The following ASAH1 variants were observed in gnomAD, a reference collection of about 807,000 sequenced individuals.
The protein encoded by ASAH1 is acid ceramidase.
ASAH1 carries 70 observed loss-of-function variants against 59.5 expected under a neutral mutation model. That is an observed-to-expected ratio of 1.18 (90% confidence interval 0.97 to 1.43). The LOEUF (loss-of-function observed/expected upper bound fraction) is 1.43. Among genes scored for constraint, ASAH1 ranks in the 40% most tolerant of loss-of-function variants. The pLI, the probability that ASAH1 is intolerant of heterozygous loss-of-function variation, is 0.00. For missense variants in ASAH1, 660 were observed against 482.5 expected (o/e 1.37, Z -3.45); for synonymous variants, 213 against 166.5 (o/e 1.28, Z -2.15).
chr8:18,067,226 G>C lies in ASAH1; in HGVS notation c.376C>G (p.Pro126Ala). 5 of 1,591,392 alleles carry C rather than the reference G, an allele frequency of 3.1e-6. No homozygotes were observed. Among genetic ancestry groups the C allele is most frequent in the Non-Finnish European group, 4.3e-6 (5 of 1,166,330 alleles). The change falls in exon 5 of 14, where the codon CCT becomes GCT. Residue 126 changes from proline (P) to alanine (A), a missense_variant. Transcript: ENST00000637790. Reference sequence around the variant, plus strand: ...GCTTCTAAGTGAACTTTACCTAAAGGTATATCAGTAACAGCGGCAATACCC... The same window carrying C: ...GCTTCTAAGTGAACTTTACCTAAAGCTATATCAGTAACAGCGGCAATACCC... ...MKGIAAVTDI[P>A]LGEIISFNIF...
intron 2 of ASAH1, among the ~76,000 whole-genome samples, chr8:18,073,552 G>A (rs1206719397): frequency 6.6e-6 from 1 of 152,198 alleles, no homozygotes; most frequent in Non-Finnish European, 1.5e-5. Context: ...TGAGCAGTGG[G>A]AAAGAAATGC....
At chr8:18,065,232 T>G (rs1196218592) in intron 5 of ASAH1, 2 of 151,794 alleles carry the variant, frequency 1.3e-5, no homozygotes, top group African/African-American at 2.4e-5. Context: ...TTTACACCAC[T>G]TATACATCAT....
rs773999172 is a variant in ASAH1, at chr8:18,084,030, A to C, written c.29T>G (p.Val10Gly). Residue 10 changes from valine to glycine, a missense_variant, in exon 1 of 14, where the codon GTC becomes GGC. Transcript: ENST00000637790. The stretch of plus-strand genomic sequence containing the variant: ...ACAGCTGACGGCGGCAGCCAGGAGG[A>C]CTAAGGCGACGCAACTCCGGCCCGG... MPGRSCVALVLLAAAVSCAV... is the reference protein window; with the variant it reads MPGRSCVALGLLAAAVSCAV... The C allele has an allele frequency of 2.1e-5, 33 of 1,598,726 alleles. No homozygotes were observed. Among genetic ancestry groups the C allele is most frequent in the Non-Finnish European group, 8.5e-7 (1 of 1,179,660 alleles).
chr8:18,084,785 C>T, upstream of ASAH1: 1 of 1,613,666 alleles, frequency 6.2e-7, no homozygotes, highest in Non-Finnish European at 8.5e-7. Context: ...CTCTCCCAGC[C>T]CGATGCAGCA....
chr8:18,069,724 G>T, intron 4 of ASAH1, 68 bp downstream of exon 4: 1 of 1,168,808 alleles, frequency 8.6e-7, no homozygotes. Context: ...GCTGAATTAT[G>T]CCTTTAAATA....
At chr8:18,078,892 CTCTCCCTGCCCTTCCCTACCTT>C (rs373523468) in intron 1 of ASAH1, among the ~76,000 whole-genome samples, 3,140 of 152,232 alleles carry the variant, frequency 0.021, 104 homozygotes, top group African/African-American at 0.072. Flanking sequence ...CTTTCTCTCT[CTCTCCCTGCCCTTCCCTACCTT>C]TCTCCCTGCC....
upstream of ASAH1, chr8:18,084,282 G>T (rs1039258969): frequency 7.6e-6 from 11 of 1,438,536 alleles, no homozygotes; most frequent in African/African-American, 1.1e-4. Flanking sequence ...AGCCTTCCAG[G>T]CTACCTGCAG....
chr8:18,082,678 G>C (rs959627784), intron 1 of ASAH1: 1 of 152,184 alleles, frequency 6.6e-6, no homozygotes, highest in Non-Finnish European at 1.5e-5. Context: ...TGCAACCGAA[G>C]TTCAAATTCT....
chr8:18,076,895 G>T (rs1589001229), intron 1 of ASAH1, among the ~76,000 whole-genome samples: 1 of 152,236 alleles, frequency 6.6e-6, no homozygotes, highest in Non-Finnish European at 1.5e-5. Context: ...TGTCAAATTT[G>T]CCTTACCACA....
rs371181287 is a variant in ASAH1, at chr8:18,075,521, A to G, written c.125+20T>C. 1.1e-5 allele frequency: 18 copies of G among 1,613,698 alleles called. No individual in the cohort carries two copies. Among genetic ancestry groups the G allele is most frequent in the Non-Finnish European group, 1.4e-5 (17 of 1,179,610 alleles). On this transcript the variant is annotated intron_variant, in intron 2 of 13. Transcript: ENST00000637790. ...TTCACAAAGGTCAAAGGGAGTTTTG[A>G]TCATCTGATGTTTACTCACGTTGGT... is the stretch of plus-strand genomic sequence containing the variant.
rs372573258 is a variant in ASAH1 at position 18,059,397 on chromosome 8, A to C, written c.985T>G (p.Phe329Val). The change falls in exon 12 of 14, where the codon TTC (phenylalanine) becomes GTC (valine). Residue 329 changes from phenylalanine to valine, a missense_variant. Phe to Val is a conservative substitution (Grantham distance 50). Transcript: ENST00000637790. ...GCAGGCGTTCTGCGATCATCAAGGA[A>C]GAAGGGATGTTTCCAACGGTCATAA... ...TNYDRWKHPF[F>V]LDDRRTPAKM... 2 of 1,614,224 alleles carry C rather than the reference A, an allele frequency of 1.2e-6. No individual in the cohort carries two copies. Among genetic ancestry groups the C allele is most frequent in the Non-Finnish European group, 1.7e-6 (2 of 1,180,040 alleles).
intron 2 of ASAH1, among the ~76,000 whole-genome samples, chr8:18,071,833 G>C (rs573307960): frequency 2.6e-5 from 4 of 151,930 alleles, no homozygotes; most frequent in Non-Finnish European, 5.9e-5. Flanking sequence ...CTCCAGTGTT[G>C]CCTTCAGGAA....
rs936714072 is a variant in ASAH1, at chr8:18,064,714, A to C, written c.383-183T>G. The C allele has an allele frequency of 3.0e-5, 17 of 563,614 alleles. No individual in the cohort carries two copies. The Admixed American group carries it at 4.6e-4, about 15-fold the overall frequency. 34.9% of individuals were successfully genotyped at this position (563,614 alleles called of 1,614,324 possible). A position where few individuals can be genotyped will look rare whatever the true frequency, so the allele number is the denominator to read the frequency against. On this transcript the variant is annotated intron_variant, in intron 5 of 13. Transcript: ENST00000637790. The stretch of plus-strand genomic sequence containing the variant: ...GCCTGGACTCTCTAGACTCAAGATG[A>C]AACAAGTCACCAAGGAGGCAGCCTT...
At chr8:18,074,325 G>A (rs1249826556) in intron 2 of ASAH1, among the ~76,000 whole-genome samples, 2 of 152,160 alleles carry the variant, frequency 1.3e-5, no homozygotes, top group Admixed American at 6.5e-5. Context: ...ATCCAAACTG[G>A]TTACCTCTAA....
At chr8:18,063,906 C>G (rs932962110) in intron 6 of ASAH1, 1 of 163,636 alleles carries the variant, frequency 6.1e-6, no homozygotes, top group South Asian at 1.7e-4. Flanking sequence ...TCCCCTAGAG[C>G]AGGACATCTC....
chr8:18,067,981 T>C (rs146285978), intron 4 of ASAH1: 1 of 152,312 alleles, frequency 6.6e-6, no homozygotes. Flanking sequence ...GGTAATTACA[T>C]GTAATGTCAC....
chr8:18,071,237 A>G, intron 3 of ASAH1, 63 bp downstream of exon 3: 1 of 841,332 alleles, frequency 1.2e-6, no homozygotes, highest in African/African-American at 2.2e-5. Context: ...CAATAAATAA[A>G]AATAAAGAAA....
At chr8:18,084,178 A>G, upstream of ASAH1, 1 of 1,544,426 alleles carries the variant, frequency 6.5e-7, no homozygotes, top group Non-Finnish European at 8.7e-7. Flanking sequence ...GCACCATTCC[A>G]GGCAGTAGGG....
chr8:18,073,989 C>T (rs1800284774), intron 2 of ASAH1, among the ~76,000 whole-genome samples: 1 of 152,128 alleles, frequency 6.6e-6, no homozygotes, highest in Non-Finnish European at 1.5e-5. Flanking sequence ...GGTATGTATG[C>T]ACATAGGTAG....
Sources: allele counts gnomAD v4.1 joint callset (sites outside exome capture counted in the v4.1 genomes callset), GRCh38; gene constraint gnomAD v4.1.1; transcripts MANE v1.5; gene names NCBI Gene and HGNC (gene_info 2026-07-23, HGNC 2026-07-21).